Variants in MX2 observed in about 807,000 individuals in gnomAD.
The protein encoded by MX2 is interferon-induced GTP-binding protein Mx2.
Under a neutral mutation model 74.0 loss-of-function variants are expected in MX2, and 51 were observed. The ratio of observed to expected loss-of-function variants is 0.69; its 90% CI spans 0.55 to 0.87. The LOEUF (loss-of-function observed/expected upper bound fraction) is 0.87. MX2 is among the 40% of genes least tolerant of loss of function. The pLI is 0.00. For synonymous variants in MX2, 369 were observed against 339.3 expected, an observed-to-expected ratio of 1.09 and a Z score of -0.96; for missense variants, 832 against 908.7, an observed-to-expected ratio of 0.92 and a Z score of 1.09.
chr21:41,409,218 T>G lies in MX2; in HGVS notation c.*985T>G, dbSNP rs2089923626. 1 of 145,196 alleles carries G rather than the reference T, an allele frequency of 6.9e-6. No individual in the cohort carries two copies. Among genetic ancestry groups the G allele is most frequent in the African/African-American group, 2.6e-5 (1 of 38,604 alleles). The allele number at this position is 145,196 out of a possible 1,614,324, so 9.0% of individuals were successfully genotyped here. ...TACAGCCTGGGTGACAGAGTGAGAGTGAGACTCTGTCTCTGAATACACACA... is the reference window on the plus strand; with the variant it reads ...TACAGCCTGGGTGACAGAGTGAGAGGGAGACTCTGTCTCTGAATACACACA... On this transcript the variant is annotated 3_prime_UTR_variant, in exon 14 of 14. Coordinates refer to ENST00000330714, the MANE Select transcript of MX2 (RefSeq NM_002463.2).
At chr21:41,374,540 G>A (rs1008910084) in intron 1 of MX2, among the ~76,000 whole-genome samples, 7 of 152,228 alleles carry the variant, frequency 4.6e-5, no homozygotes, top group Admixed American at 2.6e-4. Context: ...ACCTTCTAAC[G>A]AGCCACATGG....
intron 5 of MX2, among the ~76,000 whole-genome samples, chr21:41,385,995 A>T (rs1031423279): frequency 2.7e-5 from 4 of 150,830 alleles, no homozygotes; most frequent in Non-Finnish European, 5.9e-5. Context: ...TTGATTTGTT[A>T]AAAAAAATAC....
At chr21:41,400,728 C>T (rs148934070) in intron 10 of MX2, 2,120 of 152,094 alleles carry the variant, frequency 0.014, 26 homozygotes, top group Non-Finnish European at 0.019. Context: ...TATTTTGAGA[C>T]GGAGTTTCAC....
intron 3 of MX2, among the ~76,000 whole-genome samples, chr21:41,379,670 T>C (rs1159349086): frequency 1.3e-5 from 2 of 152,136 alleles, no homozygotes; most frequent in African/African-American, 4.8e-5. Context: ...ACGGGGAGCC[T>C]GGACATGTAC....
chr21:41,402,087 A>T lies in MX2; in HGVS notation c.1532A>T (p.Gln511Leu), dbSNP rs766093277. The T allele has an allele frequency of 2.5e-6, 4 of 1,614,184 alleles. No homozygotes were observed. The African/African-American group carries it at 5.3e-5, about 22-fold the overall frequency. Residue 511 changes from glutamine to leucine, a missense_variant, in exon 11 of 14, where the codon CAG becomes CTG. Physicochemically the swap from Gln to Leu is moderately radical, Grantham distance 113. Transcript: ENST00000330714. The surrounding 1 kb of genome is among the most constrained non-coding windows in gnomAD (Gnocchi z 4.5). ...FEIIVHQYIQ[Q>L]LVEPALSMLQ... is the part of the protein sequence containing the mutation. The stretch of plus-strand genomic sequence containing the variant: ...ATCATCGTGCATCAGTACATCCAGC[A>T]GCTGGTGGAGCCCGCCCTTAGCATG...
chr21:41,370,416 G>A (rs911705176), intron 1 of MX2: 1 of 152,268 alleles, frequency 6.6e-6, no homozygotes, highest in African/African-American at 2.4e-5. Flanking sequence ...GGGCCCTCCC[G>A]TGGCACCGTT....
chr21:41,387,343 C>G (rs2089593436), intron 5 of MX2, among the ~76,000 whole-genome samples: 1 of 152,170 alleles, frequency 6.6e-6, no homozygotes, highest in African/African-American at 2.4e-5. Context: ...TATTCTTGGC[C>G]GATTTGTCTC....
At position 41,363,809 on chromosome 21, in the gene MX2, C is replaced by T. The variant is rs1568928599; in HGVS notation, c.-72+1754C>T. ...CCATGTCCGGCACAGCCATTTCCATCCTTCCCAGGGGTGCTTACGTGATCC... is the reference window on the plus strand; with the variant it reads ...CCATGTCCGGCACAGCCATTTCCATTCTTCCCAGGGGTGCTTACGTGATCC... On this transcript the variant is annotated intron_variant, in intron 1 of 13. Coordinates refer to ENST00000330714, the MANE Select transcript of MX2 (RefSeq NM_002463.2). This position sits in a 1 kb window ranked among gnomAD's most constrained non-coding sequence, Gnocchi z 4.2. The T allele has an allele frequency of 6.4e-6, 1 of 155,298 alleles. No individual in the cohort carries two copies. The highest frequency in any genetic ancestry group is 1.5e-5 in the Non-Finnish European group (1 of 68,374). The allele number at this position is 155,298 out of a possible 1,614,324, so 9.6% of individuals were successfully genotyped here.
chr21:41,408,096 G>A lies in MX2; in HGVS notation c.2011G>A (p.Glu671Lys). 3 of 1,614,112 alleles carry A rather than the reference G, an allele frequency of 1.9e-6. No homozygotes were observed. The South Asian group carries it at 3.3e-5, about 18-fold the overall frequency. The change falls in exon 14 of 14, where the codon GAA becomes AAA. Residue 671 changes from glutamate (E) to lysine (K), a missense_variant. Physicochemically the swap from Glu to Lys is moderately conservative, Grantham distance 56 (BLOSUM62 1). Transcript: ENST00000330714. ...LQKAMMQILQ[E>K]KNRYSWLLQE... ...GAAAGCCATGATGCAGATACTACAG[G>A]AAAAAAATCGCTATTCCTGGCTGCT...
chr21:41,392,356 C>T (rs954093029), intron 6 of MX2, among the ~76,000 whole-genome samples: 5 of 152,182 alleles, frequency 3.3e-5, no homozygotes, highest in African/African-American at 1.2e-4. Context: ...AATTCTGAAG[C>T]ACACAACAAC....
intron 6 of MX2, among the ~76,000 whole-genome samples, chr21:41,394,825 C>T (rs1046533068): frequency 2.6e-5 from 4 of 151,948 alleles, no homozygotes; most frequent in African/African-American, 9.7e-5. Flanking sequence ...CCTGTAGTCC[C>T]CGCTACTCAG....
chr21:41,382,026 T>C (rs2089503181), intron 4 of MX2, among the ~76,000 whole-genome samples: 1 of 152,340 alleles, frequency 6.6e-6, no homozygotes, highest in Middle Eastern at 3.4e-3. Flanking sequence ...CAAGCCCCTA[T>C]GTCCAGCCAA....
At chr21:41,392,206 G>C (rs2089670329) in intron 6 of MX2, among the ~76,000 whole-genome samples, 2 of 152,318 alleles carry the variant, frequency 1.3e-5, no homozygotes, top group South Asian at 4.1e-4. Flanking sequence ...AGGCTTAAGA[G>C]AAACAGACCC....
chr21:41,369,841 C>CCT, intron 1 of MX2, among the ~76,000 whole-genome samples: 1 of 151,674 alleles, frequency 6.6e-6, no homozygotes, highest in African/African-American at 2.4e-5. Context: ...CCCCCGCCCC[C>CCT]GCCCCCGCTC....
In MX2 at chr21:41,368,998, C is replaced by G. The variant is rs868459886; in HGVS notation, c.-72+6943C>G. Among the ~76,000 whole-genome samples the G allele has an allele frequency of 3.2e-4, 48 of 152,168 alleles. 1 individual carries two copies. Among genetic ancestry groups the G allele is most frequent in the African/African-American group, 1.0e-3 (43 of 41,444 alleles). ...AGCTGCTGGGTCCTGGCCAAGCCCT[C>G]CTGTACCCCCTGAGAAAGTCTCCGT... On this transcript the variant is annotated intron_variant, in intron 1 of 13. Transcript: ENST00000330714. This position sits in a 1 kb window ranked among gnomAD's most constrained non-coding sequence, Gnocchi z 4.6.
intron 2 of MX2, 64 bp downstream of exon 2, chr21:41,377,219 T>C (rs2089417994): frequency 6.3e-6 from 10 of 1,589,840 alleles, no homozygotes; most frequent in Non-Finnish European, 8.6e-6. Context: ...AGGGCTGTCA[T>C]GTAAGCCCAC....
At position 41,377,083 on chromosome 21, in the gene MX2, C is replaced by T. The variant is rs192563389; in HGVS notation, c.177C>T (p.Leu59=). The T allele has an allele frequency of 1.1e-5, 18 of 1,614,188 alleles. No individual in the cohort carries two copies. The highest frequency in any genetic ancestry group is 5.5e-5 in the South Asian group (5 of 91,088). The change falls in exon 2 of 14, where the codon CTC becomes CTT. Residue 59 remains leucine (L), a synonymous_variant. Coordinates refer to ENST00000330714, the MANE Select transcript of MX2 (RefSeq NM_002463.2). Reference sequence around the variant, plus strand: ...GGGCAGAGAAGGACGCTGCTTTCCTCGCCAAGGACTTCAACTTTCTCACTT... The same window carrying T: ...GGGCAGAGAAGGACGCTGCTTTCCTTGCCAAGGACTTCAACTTTCTCACTT... ...WQGAEKDAAF[L]AKDFNFLTLN...
intron 1 of MX2, 47 bp from the exon 2 acceptor site, chr21:41,376,789 G>C: frequency 6.8e-7 from 1 of 1,479,242 alleles, no homozygotes; most frequent in Non-Finnish European, 9.1e-7. Context: ...AACTCAGGGA[G>C]GACTTCTGGT....
chr21:41,397,701 G>T lies in MX2; in HGVS notation c.1149+10G>T. The T allele has an allele frequency of 1.2e-6, 2 of 1,612,080 alleles. No individual in the cohort carries two copies. The highest frequency in any genetic ancestry group is 1.7e-6 in the Non-Finnish European group (2 of 1,178,168). ...CATCATGCATATCCAAGTGAGCCAC[G>T]TGGGTTGGGTGACAAGTCATCAATA... On this transcript the variant is annotated intron_variant, in intron 8 of 13. Transcript: ENST00000330714.
Sources: allele counts gnomAD v4.1 joint callset (sites outside exome capture counted in the v4.1 genomes callset), GRCh38; gene constraint gnomAD v4.1.1; non-coding constraint Gnocchi (gnomAD v3.1); transcripts MANE v1.5; gene names NCBI Gene and HGNC (gene_info 2026-07-23, HGNC 2026-07-21).